The following NLK variants were observed in gnomAD, a reference collection of about 807,000 sequenced individuals.
NLK encodes the protein serine/threonine-protein kinase NLK.
In NLK, 11 loss-of-function variants were observed where a neutral mutation model predicts 59.0. The observed-to-expected ratio is 0.19, with a 90% confidence interval of 0.12 to 0.31. The LOEUF is 0.31. NLK is among the 10% of genes least tolerant of loss of function. NLK has a pLI of 1.00. For missense variants in NLK, 410 were observed against 661.1 expected, an observed-to-expected ratio of 0.62 and a Z score of 4.16; for synonymous variants, 235 against 235.9, an observed-to-expected ratio of 1.00 and a Z score of 0.03.
Position 28,043,348 on chromosome 17 carries a change from A to G in NLK, c.458+17A>G, listed in dbSNP as rs1485841136. On this transcript the variant is annotated intron_variant, in intron 1 of 10. Coordinates refer to ENST00000407008, the MANE Select transcript of NLK (RefSeq NM_016231.5). ...TGTTGTCTGGTGAGTATCCAAAGAA[A>G]AACACAACCTCTCATGGTTTCTTCT... 4 of 1,512,950 alleles carry G rather than the reference A, an allele frequency of 2.6e-6. No individual in the cohort carries two copies. Among genetic ancestry groups the G allele is most frequent in the Non-Finnish European group, 3.5e-6 (4 of 1,127,316 alleles). The allele number at this position is 1,512,950 out of a possible 1,614,324, so 93.7% of individuals were successfully genotyped here.
intron 3 of NLK, among the ~76,000 whole-genome samples, chr17:28,137,301 A>G (rs1484878255): frequency 6.6e-6 from 1 of 152,208 alleles, no homozygotes; most frequent in African/African-American, 2.4e-5. Context: ...AGTTCTTAGT[A>G]TATCGTTATA....
intron 1 of NLK, among the ~76,000 whole-genome samples, chr17:28,051,378 T>G (rs1909249743): frequency 6.6e-6 from 1 of 151,570 alleles, no homozygotes; most frequent in Admixed American, 6.6e-5. Flanking sequence ...TTTTTTTTTT[T>G]GAGACAGAGT....
intron 1 of NLK, among the ~76,000 whole-genome samples, chr17:28,071,853 G>T (rs1910016500): frequency 6.6e-6 from 1 of 152,200 alleles, no homozygotes; most frequent in Non-Finnish European, 1.5e-5. Flanking sequence ...GGTTTCTCTT[G>T]CCCTGCTTTC....
At chr17:28,091,537 G>C (rs1339971464) in intron 1 of NLK, among the ~76,000 whole-genome samples, 1 of 151,500 alleles carries the variant, frequency 6.6e-6, no homozygotes, top group Non-Finnish European at 1.5e-5. Flanking sequence ...GGTCAATACA[G>C]TTCTTATAGC....
chr17:28,199,100 G>T (rs1459456704), downstream of NLK, among the ~76,000 whole-genome samples: 2 of 152,168 alleles, frequency 1.3e-5, no homozygotes, highest in Non-Finnish European at 2.9e-5. Flanking sequence ...TAGTTTATAT[G>T]GTAGACGTTT....
chr17:28,104,626 T>A (rs1187932872), intron 1 of NLK, among the ~76,000 whole-genome samples: 1 of 152,090 alleles, frequency 6.6e-6, no homozygotes, highest in Non-Finnish European at 1.5e-5. Flanking sequence ...CACACAACGT[T>A]TTTTGCCCAT....
chr17:28,146,983 T>C (rs1185114883), intron 3 of NLK, among the ~76,000 whole-genome samples: 1 of 152,204 alleles, frequency 6.6e-6, no homozygotes, highest in Non-Finnish European at 1.5e-5. Flanking sequence ...AAAATTGCAG[T>C]AAATTTCAGC....
At chr17:28,081,851 A>G (rs1297276659) in intron 1 of NLK, among the ~76,000 whole-genome samples, 1 of 152,122 alleles carries the variant, frequency 6.6e-6, no homozygotes, top group African/African-American at 2.4e-5. Context: ...CAGTTGCCCA[A>G]AGGGACACTT....
chr17:28,108,551 C>CAA (rs1905304229), intron 1 of NLK, among the ~76,000 whole-genome samples: 1 of 152,018 alleles, frequency 6.6e-6, no homozygotes, highest in Non-Finnish European at 1.5e-5. Context: ...AAAAGTAAAG[C>CAA]ATGTTACTGT....
chr17:28,078,227 G>A (rs1910232570), intron 1 of NLK, among the ~76,000 whole-genome samples: 1 of 151,872 alleles, frequency 6.6e-6, no homozygotes, highest in Admixed American at 6.6e-5. Flanking sequence ...CCAGTAGGAG[G>A]AAATTAAAAT....
chr17:28,074,590 C>T (rs1386153137), intron 1 of NLK, among the ~76,000 whole-genome samples: 1 of 151,896 alleles, frequency 6.6e-6, no homozygotes, highest in Non-Finnish European at 1.5e-5. Flanking sequence ...TATTTCGTGG[C>T]CATTATATAT....
chr17:28,098,137 C>T (rs544364515), intron 1 of NLK, among the ~76,000 whole-genome samples: 2 of 152,088 alleles, frequency 1.3e-5, no homozygotes, highest in Non-Finnish European at 2.9e-5. Context: ...ACGAAGTGTA[C>T]ACTAGAACCT....
At chr17:28,147,417 A>C (rs554601558) in intron 3 of NLK, among the ~76,000 whole-genome samples, 2 of 152,300 alleles carry the variant, frequency 1.3e-5, no homozygotes, top group Admixed American at 6.5e-5. Context: ...TTCTGGTGTG[A>C]GGCTGATTAT....
At chr17:28,144,978 T>C (rs1907182410) in intron 3 of NLK, among the ~76,000 whole-genome samples, 1 of 152,154 alleles carries the variant, frequency 6.6e-6, no homozygotes, top group Non-Finnish European at 1.5e-5. Flanking sequence ...AGAGTACAGT[T>C]TATTTATGTG....
At chr17:28,079,420 G>GT in intron 1 of NLK, among the ~76,000 whole-genome samples, 1 of 152,230 alleles carries the variant, frequency 6.6e-6, no homozygotes, top group South Asian at 2.1e-4. Context: ...CTATTTTTAA[G>GT]TTTTTGAAGA....
intron 1 of NLK, among the ~76,000 whole-genome samples, chr17:28,070,433 C>T (rs1281292943): frequency 6.8e-6 from 1 of 147,924 alleles, no homozygotes; most frequent in African/African-American, 2.5e-5. Flanking sequence ...CGGCTCACTG[C>T]AGCCTCCACC....
In NLK at chr17:28,067,928, G is replaced by A. The variant is rs138388075; in HGVS notation, c.458+24597G>A. Among the ~76,000 whole-genome samples the A allele has an allele frequency of 4.4e-3, 674 of 151,842 alleles. 7 individuals are homozygous for A. The highest frequency in any genetic ancestry group is 0.016 in the African/African-American group (642 of 41,386). On this transcript the variant is annotated intron_variant, in intron 1 of 10. Transcript: ENST00000407008. ...GGCCATGGCAGGTGAATCACCTGAG[G>A]TCAAGAGTTTGAGACCAGCCTGGCC...
At chr17:28,204,355 C>T in the NLK span, among the ~76,000 whole-genome samples, 2 of 152,288 alleles carry the variant, frequency 1.3e-5, no homozygotes, top group South Asian at 4.1e-4. Context: ...ATCTCACTCC[C>T]TTTAACCTGC....
intron 3 of NLK, among the ~76,000 whole-genome samples, chr17:28,151,175 C>A (rs1907465337): frequency 6.6e-6 from 1 of 152,162 alleles, no homozygotes; most frequent in South Asian, 2.1e-4. Context: ...GGTGTCTTTT[C>A]AGGCCCTCAT....
Sources: gnomAD v4.1 joint callset for allele counts (sites outside exome capture counted in the v4.1 genomes callset) on GRCh38, gnomAD v4.1.1 for gene constraint, MANE v1.5 for transcripts, NCBI Gene and HGNC (gene_info 2026-07-23, HGNC 2026-07-21) for gene names.